Variants in SCAMP4 observed in about 807,000 individuals in gnomAD.
SCAMP4 encodes secretory carrier membrane protein 4, also known as secretory carrier-associated membrane protein 4.
SCAMP4 carries 19 observed loss-of-function variants against 32.1 expected under a neutral mutation model. That is an observed-to-expected ratio of 0.59 (90% CI 0.41 to 0.87). The LOEUF (loss-of-function observed/expected upper bound fraction) is 0.87, where lower values mean the gene tolerates loss of function less well. Ranked by LOEUF, SCAMP4 falls within the 40% of genes least tolerant of loss-of-function variation. The probability of loss-of-function intolerance (pLI) is 0.00; values close to 1 mark genes in which losing one functional copy is unlikely to be tolerated. For missense variants in SCAMP4, 302 were observed against 309.0 expected (o/e 0.98, Z 0.17); for synonymous variants, 152 against 132.7 (o/e 1.15, Z -1.00).
chr19:1,912,239 G>A (rs1426022058), intron 1 of SCAMP4: 2 of 1,596,564 alleles, frequency 1.3e-6, no homozygotes, highest in East Asian at 2.3e-5. Context: ...CCTACGCCGC[G>A]CCCGTCCTGG....
chr19:1,918,207 C>G lies in SCAMP4; in HGVS notation c.217C>G (p.Leu73Val). 10 of 1,612,242 alleles carry G rather than the reference C, an allele frequency of 6.2e-6. No homozygotes were observed. Among genetic ancestry groups the G allele is most frequent in the Non-Finnish European group, 8.5e-6 (10 of 1,179,836 alleles). Residue 73 changes from leucine to valine, a missense_variant, in exon 4 of 7, where the codon CTG (leucine) becomes GTG (valine). Leu to Val is a conservative substitution (Grantham distance 32). Transcript: ENST00000316097. ...CGGAGGCTCGGGGACCAACTTCGGCCTGGCCTTCGTGTGGCTGCTCCTGTT... is the reference window on the plus strand; with the variant it reads ...CGGAGGCTCGGGGACCAACTTCGGCGTGGCCTTCGTGTGGCTGCTCCTGTT... ...IGGGSGTNFG[L>V]AFVWLLLFTP...
intron 5 of SCAMP4, 99 bp downstream of exon 5, chr19:1,919,089 C>T (rs867677434): frequency 1.6e-5 from 24 of 1,542,090 alleles, no homozygotes; most frequent in Middle Eastern, 1.9e-4. Flanking sequence ...CGTGCTGGTC[C>T]GGGATTGTAC....
intron 5 of SCAMP4, chr19:1,920,947 G>T (rs1599255305): frequency 1.0e-6 from 1 of 985,366 alleles, no homozygotes; most frequent in South Asian, 4.7e-5. Flanking sequence ...TTGGAGCCTG[G>T]GTCATCTCCC....
At position 1,918,855 on chromosome 19, in the gene SCAMP4, T is replaced by C. The variant is rs760085765; in HGVS notation, c.294-34T>C. On this transcript the variant is annotated intron_variant, in intron 4 of 6. Transcript: ENST00000316097. ...AGGCGCGTCTGGGAGAAGCCAGGGC[T>C]GTGGTAACCGTCGTGTTTTCTGTCC... is the stretch of plus-strand genomic sequence containing the variant. 11 of 1,577,598 alleles carry C rather than the reference T, an allele frequency of 7.0e-6. 1 individual carries two copies. The South Asian group carries it at 1.3e-4, about 18-fold the overall frequency.
intron 1 of SCAMP4, chr19:1,912,832 T>C (rs1012981484): frequency 6.3e-7 from 1 of 1,591,824 alleles, no homozygotes; most frequent in South Asian, 1.1e-5. Context: ...TTCAGACCCT[T>C]CCCCGCCTGC....
At chr19:1,916,874 T>C (rs945362745) in intron 2 of SCAMP4, among the ~76,000 whole-genome samples, 7 of 152,182 alleles carry the variant, frequency 4.6e-5, no homozygotes, top group African/African-American at 1.2e-4. Context: ...CTGCTGAGCC[T>C]GCATGTTGGC....
At chr19:1,910,454 C>G (rs1428585948) in intron 1 of SCAMP4, among the ~76,000 whole-genome samples, 1 of 151,930 alleles carries the variant, frequency 6.6e-6, no homozygotes, top group East Asian at 1.9e-4. Context: ...GGTGGTGAGA[C>G]AAGTTTTCTC....
chr19:1,920,419 C>T lies in SCAMP4; in HGVS notation c.395+1429C>T, dbSNP rs1032201229. On this transcript the variant is annotated intron_variant, in intron 5 of 6. Transcript: ENST00000316097. ...TGACTCCTCTCCCTTCAGGGCCCCT[C>T]GATCTGCAGGCCTCTCCCCTCCTGC... 105 of 660,302 alleles carry T rather than the reference C, an allele frequency of 1.6e-4. 1 individual carries two copies. The highest frequency in any genetic ancestry group is 1.9e-4 in the Admixed American group (3 of 15,894). 40.9% of individuals were successfully genotyped at this position (660,302 alleles called of 1,614,324 possible).
At position 1,924,844 on chromosome 19, in the gene SCAMP4, G is replaced by A. The variant is rs549346853; in HGVS notation, c.*560G>A. ...CGCTGTCCCCGCCATCCCCTGATCT[G>A]TGCGGCTCCAGCCTCGCCCCCTCCC... On this transcript the variant is annotated 3_prime_UTR_variant, in exon 7 of 7. Transcript: ENST00000316097. 24 of 159,116 alleles carry A rather than the reference G, an allele frequency of 1.5e-4. No homozygotes were observed. Among genetic ancestry groups the A allele is most frequent in the Admixed American group, 2.4e-4 (4 of 16,794 alleles). The allele number at this position is 159,116 out of a possible 1,614,324, so 9.9% of individuals were successfully genotyped here.
In SCAMP4 at chr19:1,907,184, CA is replaced by C. The variant is rs952315196; in HGVS notation, c.-42+1757del. On this transcript the variant is annotated intron_variant, in intron 1 of 6. Coordinates refer to ENST00000316097, the MANE Select transcript of SCAMP4 (RefSeq NM_079834.4). ...CCTGGGGGACAGAGTGAGACTGTCC[CA>C]AAAAAAAAAAAGCCCCCACGCAGAC... The C allele has an allele frequency of 8.6e-3, 1,161 of 135,000 alleles. 5 individuals carry two copies. Among genetic ancestry groups the C allele is most frequent in the South Asian group, 0.015 (64 of 4,242 alleles). The allele number at this position is 135,000 out of a possible 1,614,324, so 8.4% of individuals were successfully genotyped here.
chr19:1,922,680 G>T, intron 5 of SCAMP4: 8 of 990,424 alleles, frequency 8.1e-6, no homozygotes, highest in Non-Finnish European at 9.6e-6. Flanking sequence ...TTAGTAGCAG[G>T]CTCAGTGGGG....
chr19:1,913,239 G>A (rs372537473), intron 1 of SCAMP4: 2 of 1,442,874 alleles, frequency 1.4e-6, no homozygotes, highest in East Asian at 2.5e-5. Context: ...TTCCGCACAA[G>A]CCTGACCGTG....
intron 5 of SCAMP4, chr19:1,920,884 C>A (rs2013897336): frequency 1.0e-6 from 1 of 985,402 alleles, no homozygotes; most frequent in South Asian, 4.7e-5. Context: ...CAGAGACCTC[C>A]CTGCCCCCTC....
chr19:1,923,921 G>GGTC, intron 6 of SCAMP4, among the ~76,000 whole-genome samples, 187 bp from the exon 7 acceptor site: 1 of 102,510 alleles, frequency 9.8e-6, no homozygotes, highest in Non-Finnish European at 2.8e-5. Context: ...CACCGTGCCC[G>GGTC]GCCTATTTTT....
chr19:1,916,981 G>T (rs976992320), intron 2 of SCAMP4, among the ~76,000 whole-genome samples: 5 of 152,224 alleles, frequency 3.3e-5, no homozygotes, highest in African/African-American at 1.2e-4. Flanking sequence ...GCAGGGCCCT[G>T]CATGAAGGGT....
chr19:1,905,914 T>C (rs2013088063), intron 1 of SCAMP4: 1 of 152,264 alleles, frequency 6.6e-6, no homozygotes, highest in African/African-American at 2.4e-5. Context: ...TTGACCATCG[T>C]TCCTCATCGT....
intron 2 of SCAMP4, among the ~76,000 whole-genome samples, chr19:1,916,901 G>A (rs2013750944): frequency 6.6e-6 from 1 of 152,258 alleles, no homozygotes; most frequent in South Asian, 2.1e-4. Context: ...GCCTGCCGGA[G>A]GGAATGATAC....
At position 1,912,198 on chromosome 19, in the gene SCAMP4, A is replaced by C. The variant is rs904151212; in HGVS notation, c.-41-2781A>C. ...GCAGGCCCTCCCTGTCCTGTCCGAG[A>C]AGCAGTCAGGGGACGTGGAGCTGGT... On this transcript the variant is annotated intron_variant, in intron 1 of 6. Transcript: ENST00000316097. The C allele has an allele frequency of 8.2e-6, 13 of 1,588,012 alleles. No individual in the cohort carries two copies. In the African/African-American group the frequency reaches 1.6e-4, roughly 20 times the overall value.
chr19:1,913,045 TG>T, intron 1 of SCAMP4: 1 of 1,603,700 alleles, frequency 6.2e-7, no homozygotes. Flanking sequence ...GACGGCGCCC[TG>T]GGCACCCGCT....
Sources: gnomAD v4.1 joint callset for allele counts (sites outside exome capture counted in the v4.1 genomes callset) on GRCh38, gnomAD v4.1.1 for gene constraint, MANE v1.5 for transcripts, NCBI Gene and HGNC (gene_info 2026-07-23, HGNC 2026-07-21) for gene names.